The following LMF1 variants were observed in gnomAD, a reference collection of about 807,000 sequenced individuals.
The protein encoded by LMF1 is transmembrane protein 112.
A neutral mutation model predicts 60.6 loss-of-function variants in LMF1; 68 were observed. That is an observed-to-expected ratio of 1.12 (90% CI 0.92 to 1.37). LMF1 has a LOEUF of 1.37. Ranked by LOEUF, LMF1 falls within the 40% of genes most tolerant of loss-of-function variation. The pLI is 0.00. For missense variants in LMF1, 948 were observed against 767.2 expected (o/e 1.24, Z -2.78); for synonymous variants, 418 against 324.7 (o/e 1.29, Z -3.09).
At chr16:900,446 A>G (rs8046999) in intron 4 of LMF1, 64,786 of 151,992 alleles carry the variant, frequency 0.43, 15,773 homozygotes, top group African/African-American at 0.67. Context: ...GCAGAGCCGT[A>G]AGCTGCACAG....
chr16:888,315 T>C (rs1410479238), intron 5 of LMF1, among the ~76,000 whole-genome samples: 1 of 152,118 alleles, frequency 6.6e-6, no homozygotes, highest in Non-Finnish European at 1.5e-5. Context: ...TGAATCAGAG[T>C]GTTGGATTTC....
At chr16:880,140 C>G (rs954488943) in intron 5 of LMF1, among the ~76,000 whole-genome samples, 2 of 152,164 alleles carry the variant, frequency 1.3e-5, no homozygotes, top group Non-Finnish European at 2.9e-5. Context: ...CCACAGGCGG[C>G]CCCTCAGGCT....
chr16:887,628 C>T (rs2070348164), intron 5 of LMF1, among the ~76,000 whole-genome samples: 1 of 152,154 alleles, frequency 6.6e-6, no homozygotes, highest in Non-Finnish European at 1.5e-5. Context: ...GGGAGCCCAG[C>T]CCAGAGAGGG....
chr16:922,324 C>A (rs1394492565), intron 3 of LMF1, among the ~76,000 whole-genome samples: 1 of 152,190 alleles, frequency 6.6e-6, no homozygotes, highest in Non-Finnish European at 1.5e-5. Flanking sequence ...GGGTTCTGAT[C>A]CAGCTGTGAG....
intron 3 of LMF1, among the ~76,000 whole-genome samples, chr16:915,738 G>C (rs1482863420): frequency 1.3e-5 from 2 of 152,244 alleles, no homozygotes; most frequent in East Asian, 3.8e-4. Context: ...GGAAGTCCTG[G>C]AGGCCAGCAG....
At chr16:854,951 G>A in intron 10 of LMF1, 1 of 577,662 alleles carries the variant, frequency 1.7e-6, no homozygotes, top group Non-Finnish European at 3.1e-6. Context: ...GGCAGCTCCG[G>A]GAGGGGAGAC....
chr16:882,809 C>T (rs139569419), intron 5 of LMF1, among the ~76,000 whole-genome samples: 32 of 146,548 alleles, frequency 2.2e-4, no homozygotes, highest in African/African-American at 5.4e-4. Context: ...GAGGAGCCGG[C>T]GGCAGAGCCT....
At chr16:855,325 C>T (rs1190341842) in intron 10 of LMF1, 1 of 273,252 alleles carries the variant, frequency 3.7e-6, no homozygotes, top group Non-Finnish European at 7.2e-6. Flanking sequence ...GGATGAAGGC[C>T]CCCACCCCCA....
At chr16:976,217 G>A in intron 1 of LMF1, 1 of 447,088 alleles carries the variant, frequency 2.2e-6, no homozygotes, top group East Asian at 7.0e-5. Context: ...TGGGGCCCAG[G>A]GCCTCGCATC....
chr16:869,860 G>A (rs373860048), intron 9 of LMF1, 23 bp downstream of exon 9: 73 of 1,602,488 alleles, frequency 4.6e-5, no homozygotes, highest in Middle Eastern at 1.7e-4. Flanking sequence ...AGGTCCATGC[G>A]CCCGCCAGGG....
At chr16:943,016 A>G (rs905439132) in intron 2 of LMF1, among the ~76,000 whole-genome samples, 1 of 152,182 alleles carries the variant, frequency 6.6e-6, no homozygotes. Flanking sequence ...CAGGCAACAG[A>G]TTTTTCAGTA....
chr16:871,302 A>C lies in LMF1; in HGVS notation c.937T>G (p.Trp313Gly). ...GCCAGGCTGGGCACCATAGTCAGCC[A>C]GTTCAGGAAGCTGAGGTTCCCGCTG... ...IVSGNLSFLNWLTMVPSLACF... is the reference protein window; with the variant it reads ...IVSGNLSFLNGLTMVPSLACF... Residue 313 changes from tryptophan (W) to glycine (G), a missense_variant, in exon 7 of 11, where the codon TGG becomes GGG. Transcript: ENST00000262301. The C allele has an allele frequency of 6.2e-7, 1 of 1,612,434 alleles. No homozygotes were observed.
chr16:911,723 A>C (rs975799665), intron 3 of LMF1, among the ~76,000 whole-genome samples: 2 of 148,156 alleles, frequency 1.3e-5, no homozygotes, highest in African/African-American at 2.5e-5. Flanking sequence ...AGCACTGGGG[A>C]GGCAGCCCAG....
chr16:976,948 G>A (rs927156629), intron 1 of LMF1: 1 of 453,748 alleles, frequency 2.2e-6, no homozygotes, highest in African/African-American at 2.0e-5. Context: ...GGAGTGCGAG[G>A]TGAAGATGGG....
intron 5 of LMF1, chr16:887,156 G>A (rs955777431): frequency 1.3e-5 from 2 of 151,878 alleles, no homozygotes; most frequent in African/African-American, 4.9e-5. Flanking sequence ...GGCAGCCCAC[G>A]GCTCCTGGTC....
chr16:859,148 G>C (rs1288998324), intron 10 of LMF1, among the ~76,000 whole-genome samples: 69 of 133,950 alleles, frequency 5.2e-4, no homozygotes, highest in Non-Finnish European at 8.6e-4. Context: ...CACGGGACGG[G>C]TGTGCAGTGG....
intron 8 of LMF1, 66 bp downstream of exon 8, chr16:870,661 ATG>A (rs1019043151): frequency 2.5e-6 from 4 of 1,572,180 alleles, no homozygotes; most frequent in Non-Finnish European, 3.5e-6. Context: ...CCCCACCTGA[ATG>A]TGGCTGGTCA....
chr16:863,633 T>G (rs531494956), intron 10 of LMF1, among the ~76,000 whole-genome samples: 4 of 152,344 alleles, frequency 2.6e-5, no homozygotes, highest in African/African-American at 7.2e-5. Flanking sequence ...TTTTTCCTAG[T>G]TATTCATGTG....
intron 5 of LMF1, among the ~76,000 whole-genome samples, chr16:886,020 T>C (rs895965756): frequency 6.6e-6 from 1 of 152,190 alleles, no homozygotes. Context: ...AATAAAGGAA[T>C]TAAATTAGAA....
Sources: gnomAD v4.1 joint callset for allele counts (sites outside exome capture counted in the v4.1 genomes callset) on GRCh38, gnomAD v4.1.1 for gene constraint, MANE v1.5 for transcripts, NCBI Gene and HGNC (gene_info 2026-07-23, HGNC 2026-07-21) for gene names.